The following A2ML1 variants were observed in gnomAD, a reference collection of about 807,000 sequenced individuals.
The protein encoded by A2ML1 is alpha-2-macroglobulin-like protein 1.
Under a neutral mutation model 181.9 loss-of-function variants are expected in A2ML1, and 161 were observed. That is an observed-to-expected ratio of 0.89 (90% CI 0.78 to 1.01). The LOEUF (loss-of-function observed/expected upper bound fraction) is 1.01. A2ML1 is among the 50% of genes least tolerant of loss of function. The probability of loss-of-function intolerance (pLI) is 0.00; values close to 1 mark genes in which losing one functional copy is unlikely to be tolerated. For synonymous variants in A2ML1, 663 were observed against 666.8 expected, an observed-to-expected ratio of 0.99 and a Z score of 0.09; for missense variants, 1,670 against 1,768.1, an observed-to-expected ratio of 0.94 and a Z score of 1.00.
chr12:8,881,485 T>C (rs1350986893), downstream of A2ML1, among the ~76,000 whole-genome samples: 3 of 152,202 alleles, frequency 2.0e-5, no homozygotes, highest in Non-Finnish European at 4.4e-5. Context: ...TCATATAAGT[T>C]ATTCTCCTTC....
chr12:8,857,213 G>A lies in A2ML1; in HGVS notation c.2898G>A (p.Met966Ile). 6.2e-7 allele frequency: 1 copy of A among 1,612,996 alleles called. No individual in the cohort carries two copies. The highest frequency in any genetic ancestry group is 8.5e-7 in the Non-Finnish European group (1 of 1,180,000). ...ALQNLDGLVQ[M>I]PSGCGEQNMV... Reference sequence around the variant, plus strand: ...AGAACCTGGATGGTCTGGTGCAGATGCCCAGTGGCTGTGGCGAGCAGAACA... The same window carrying A: ...AGAACCTGGATGGTCTGGTGCAGATACCCAGTGGCTGTGGCGAGCAGAACA... The change falls in exon 24 of 36, where the codon ATG (methionine) becomes ATA (isoleucine). Residue 966 changes from methionine to isoleucine, a missense_variant. Coordinates refer to ENST00000299698, the MANE Select transcript of A2ML1 (RefSeq NM_144670.6).
rs1943734262 is a variant in A2ML1, at chr12:8,847,563, CT to C, written c.1699del (p.Ser567ProfsTer41). 3.7e-6 allele frequency: 6 copies of C among 1,610,530 alleles called. No individual in the cohort carries two copies. The South Asian group carries it at 6.6e-5, about 18-fold the overall frequency. On this transcript the variant is annotated frameshift_variant, in exon 15 of 36. Coordinates refer to ENST00000299698, the MANE Select transcript of A2ML1 (RefSeq NM_144670.6). LOFTEE classifies it high-confidence loss of function. ...CCCTTCCCCAGGTTTCCCTTGGCTT[CT>C]CCCCCTCCCAGCAGCTTCCAGGAGC... is the stretch of plus-strand genomic sequence containing the variant. ...CFDNQVSLGF[S>X]PSQQLPGAEV...
At chr12:8,844,910 A>G in intron 12 of A2ML1, 1 of 1,107,168 alleles carries the variant, frequency 9.0e-7, no homozygotes, top group South Asian at 2.6e-5. Flanking sequence ...GTGGGATGAG[A>G]GCCTGCTTGC....
At chr12:8,830,206 C>G (rs1185166269) in intron 4 of A2ML1, among the ~76,000 whole-genome samples, 4 of 152,118 alleles carry the variant, frequency 2.6e-5, no homozygotes, top group Non-Finnish European at 5.9e-5. Flanking sequence ...CGCGCACCAT[C>G]ACGCCTGGCT....
chr12:8,877,087 C>T (rs776815412), downstream of A2ML1, among the ~76,000 whole-genome samples: 45 of 152,346 alleles, frequency 3.0e-4, no homozygotes, highest in African/African-American at 1.1e-3. Context: ...AACCTCTCCC[C>T]ACATGGGCTA....
At chr12:8,853,913 T>C (rs1943973611) in intron 20 of A2ML1, among the ~76,000 whole-genome samples, 1 of 152,158 alleles carries the variant, frequency 6.6e-6, no homozygotes, top group African/African-American at 2.4e-5. Context: ...TGAGGGCCCT[T>C]AGAGGTTACC....
chr12:8,844,651 C>T (rs1943604992), intron 12 of A2ML1, among the ~76,000 whole-genome samples: 1 of 151,966 alleles, frequency 6.6e-6, no homozygotes, highest in Admixed American at 6.6e-5. Context: ...AGACTTTCTC[C>T]CCTCTGGATC....
At chr12:8,858,397 A>C (rs1299967201) in intron 26 of A2ML1, 2 of 251,572 alleles carry the variant, frequency 8.0e-6, no homozygotes, top group Non-Finnish European at 1.5e-5. Flanking sequence ...ACCCTGGGCA[A>C]CATGGTGAAA....
intron 1 of A2ML1, 118 bp from the exon 2 acceptor site, chr12:8,823,064 G>A: frequency 9.8e-7 from 1 of 1,016,234 alleles, no homozygotes; most frequent in South Asian, 1.6e-5. Context: ...AGGTGCATAA[G>A]GAAGGCAGGG....
rs1412681795 is a variant in A2ML1 at position 8,837,522 on chromosome 12, G to A, written c.811G>A (p.Glu271Lys). The change falls in exon 8 of 36, where the codon GAA (glutamate) becomes AAA (lysine). Residue 271 changes from glutamate (E) to lysine (K), a missense_variant. Glu to Lys is a moderately conservative substitution (Grantham distance 56, BLOSUM62 1). Transcript: ENST00000299698. ...KANTYWYREVEREQLPDKCRN... is the reference protein window; with the variant it reads ...KANTYWYREVKREQLPDKCRN... ...AAATACTTACTGGTATCGAGAGGTGGAACGGGAACAGCTTCCTGACAAATG... is the reference window on the plus strand; with the variant it reads ...AAATACTTACTGGTATCGAGAGGTGAAACGGGAACAGCTTCCTGACAAATG... The A allele has an allele frequency of 3.7e-6, 6 of 1,613,970 alleles. No homozygotes were observed. Among genetic ancestry groups the A allele is most frequent in the Middle Eastern group, 1.6e-4 (1 of 6,062 alleles).
At chr12:8,844,864 G>T in intron 12 of A2ML1, 2 of 498,480 alleles carry the variant, frequency 4.0e-6, no homozygotes, top group Non-Finnish European at 5.8e-6. Flanking sequence ...TGCTGGGCAG[G>T]CGTCCAAGGA....
Position 8,852,149 on chromosome 12 carries a change from C to T in A2ML1, c.2464-61C>T. 1 of 1,606,192 alleles carries T rather than the reference C, an allele frequency of 6.2e-7. No homozygotes were observed. The highest frequency in any genetic ancestry group is 1.1e-5 in the South Asian group (1 of 90,162). On this transcript the variant is annotated intron_variant, in intron 19 of 35. Transcript: ENST00000299698. The surrounding 1 kb of genome is among the most constrained non-coding windows in gnomAD (Gnocchi z 4.2). ...TCGGCGTCTCAGCCCCCAGGTTTCCCCAGGCCTCTATGCACTACCTCCTTT... is the reference window on the plus strand; with the variant it reads ...TCGGCGTCTCAGCCCCCAGGTTTCCTCAGGCCTCTATGCACTACCTCCTTT...
At chr12:8,847,763 G>A in intron 15 of A2ML1, 65 bp downstream of exon 15, 3 of 1,555,810 alleles carry the variant, frequency 1.9e-6, no homozygotes, top group Non-Finnish European at 2.6e-6. Flanking sequence ...TAAGAGGTAG[G>A]TTTCAGGCAG....
chr12:8,830,882 TTCC>T (rs1330119590), intron 4 of A2ML1: 1 of 152,114 alleles, frequency 6.6e-6, no homozygotes, highest in Non-Finnish European at 1.5e-5. Context: ...TTCCTTTTAC[TTCC>T]TCCTTCCCAT....
chr12:8,824,033 G>C (rs1942839768), intron 3 of A2ML1, 151 bp downstream of exon 3: 5 of 840,320 alleles, frequency 6.0e-6, no homozygotes, highest in African/African-American at 5.1e-5. Flanking sequence ...TGCAAGTGTT[G>C]AATACATGCT....
chr12:8,822,839 T>C lies in A2ML1; in HGVS notation c.62+126T>C, dbSNP rs955147551. 4 of 864,086 alleles carry C rather than the reference T, an allele frequency of 4.6e-6. No homozygotes were observed. The African/African-American group carries it at 6.7e-5, about 15-fold the overall frequency. The allele number at this position is 864,086 out of a possible 1,614,324, so 53.5% of individuals were successfully genotyped here. On this transcript the variant is annotated intron_variant, in intron 1 of 35. Transcript: ENST00000299698. Reference sequence around the variant, plus strand: ...CTTAATTTCCTCCTCCTTTTTTCTCTTCTTTGGTTCCACTGATCCTTTACC... The same window carrying C: ...CTTAATTTCCTCCTCCTTTTTTCTCCTCTTTGGTTCCACTGATCCTTTACC...
chr12:8,853,073 C>T (rs945919017), intron 20 of A2ML1, among the ~76,000 whole-genome samples: 5 of 152,204 alleles, frequency 3.3e-5, no homozygotes, highest in Non-Finnish European at 5.9e-5. Context: ...TTGCTCACTG[C>T]AGCCTCAACC....
chr12:8,868,370 G>A lies in A2ML1; in HGVS notation c.4061+13G>A. ...CTATTCACACCAGGTGATTAAAGCT[G>A]GGGTGCTGGTGGCCGGCAGAGCACC... On this transcript the variant is annotated intron_variant, in intron 31 of 35. Transcript: ENST00000299698. 6.2e-7 allele frequency: 1 copy of A among 1,609,392 alleles called. No homozygotes were observed. The highest frequency in any genetic ancestry group is 8.5e-7 in the Non-Finnish European group (1 of 1,178,250).
chr12:8,843,441 A>G, intron 12 of A2ML1, 80 bp downstream of exon 12: 1 of 1,364,094 alleles, frequency 7.3e-7, no homozygotes, highest in Non-Finnish European at 1.0e-6. Flanking sequence ...GGGTGCACCT[A>G]GGCTATCTGA....
Sources: gnomAD v4.1 joint callset for allele counts (sites outside exome capture counted in the v4.1 genomes callset) on GRCh38, gnomAD v4.1.1 for gene constraint, Gnocchi (gnomAD v3.1) non-coding constraint, MANE v1.5 for transcripts, NCBI Gene and HGNC (gene_info 2026-07-23, HGNC 2026-07-21) for gene names.